The following CAMK4 variants were observed in gnomAD, a reference collection of about 807,000 sequenced individuals.
CAMK4 encodes calcium/calmodulin-dependent protein kinase type IV.
CAMK4 carries 22 observed loss-of-function variants against 44.9 expected under a neutral mutation model. That is an observed-to-expected ratio of 0.49 (90% CI 0.35 to 0.70). CAMK4 has a LOEUF of 0.70. Ranked by LOEUF, CAMK4 falls within the 30% of genes least tolerant of loss-of-function variation. CAMK4 has a pLI of 0.01. For missense variants in CAMK4, 498 were observed against 586.8 expected (o/e 0.85, Z 1.56); for synonymous variants, 218 against 215.4 (o/e 1.01, Z -0.11).
At chr5:111,350,604 C>A (rs1038832171) in intron 2 of CAMK4, among the ~76,000 whole-genome samples, 2 of 151,790 alleles carry the variant, frequency 1.3e-5, no homozygotes, top group African/African-American at 4.8e-5. Flanking sequence ...TACTTTGGAG[C>A]AGTGTGCCTA....
intron 3 of CAMK4, among the ~76,000 whole-genome samples, chr5:111,376,228 C>A (rs1223144289): frequency 1.3e-5 from 2 of 151,814 alleles, no homozygotes; most frequent in Non-Finnish European, 2.9e-5. Flanking sequence ...CAAGTGTAGA[C>A]TAGTCCTGGC....
chr5:111,229,231 G>T (rs1379251413), intron 1 of CAMK4, among the ~76,000 whole-genome samples: 1 of 152,126 alleles, frequency 6.6e-6, no homozygotes, highest in Non-Finnish European at 1.5e-5. Context: ...CCAAGATCAG[G>T]GTCCCAGCCA....
intron 2 of CAMK4, among the ~76,000 whole-genome samples, chr5:111,345,171 C>A (rs1749815755): frequency 6.6e-6 from 1 of 151,840 alleles, no homozygotes; most frequent in African/African-American, 2.4e-5. Context: ...ACAAGGTTTT[C>A]AGCTAAATAG....
intron 1 of CAMK4, among the ~76,000 whole-genome samples, chr5:111,250,139 A>C (rs1401096521): frequency 6.6e-6 from 1 of 152,232 alleles, no homozygotes; most frequent in Non-Finnish European, 1.5e-5. Flanking sequence ...CAAATTTACT[A>C]TGTCCTAGAC....
chr5:111,429,617 A>G lies in CAMK4; in HGVS notation c.460-17069A>G, dbSNP rs543686784. ...GCGAAACCCGATCTCTACCAAAAATACAAAAAAAATCAGCCAGGCATGGTG... is the reference window on the plus strand; with the variant it reads ...GCGAAACCCGATCTCTACCAAAAATGCAAAAAAAATCAGCCAGGCATGGTG... On this transcript the variant is annotated intron_variant, in intron 5 of 10. Coordinates refer to ENST00000282356, the MANE Select transcript of CAMK4 (RefSeq NM_001744.6). Among the ~76,000 whole-genome samples, 3 of 151,730 alleles carry G rather than the reference A, an allele frequency of 2.0e-5. 1 individual carries two copies. The South Asian group carries it at 6.3e-4, about 32-fold the overall frequency.
chr5:111,260,066 C>T (rs990324902), intron 1 of CAMK4, among the ~76,000 whole-genome samples: 25 of 152,156 alleles, frequency 1.6e-4, no homozygotes, highest in Admixed American at 1.2e-3. Context: ...AAATAATAGC[C>T]GAAAAGAATT....
intron 2 of CAMK4, among the ~76,000 whole-genome samples, chr5:111,373,786 C>T (rs534971471): frequency 1.8e-4 from 27 of 152,218 alleles, no homozygotes; most frequent in South Asian, 8.3e-4. Context: ...TTCAAAGGTT[C>T]GGGACAGCTC....
In CAMK4 at chr5:111,224,521, C is replaced by G. The variant is rs753581560; in HGVS notation, c.38C>G (p.Ser13Cys). ...KVTVPSCSASSCSSVTASAAP... is the reference protein window; with the variant it reads ...KVTVPSCSASCCSSVTASAAP... The stretch of plus-strand genomic sequence containing the variant: ...ACGGTGCCCTCCTGCTCCGCCTCGT[C>G]CTGCTCTTCGGTCACCGCCAGTGCG... Residue 13 changes from serine (S) to cysteine (C), a missense_variant, in exon 1 of 11, where the codon TCC becomes TGC. Physicochemically the swap from Ser to Cys is moderately radical, Grantham distance 112 (BLOSUM62 -1). Transcript: ENST00000282356. The surrounding 1 kb of genome is among the most constrained non-coding windows in gnomAD (Gnocchi z 5.7). The G allele has an allele frequency of 5.2e-5, 83 of 1,611,390 alleles. No individual in the cohort carries two copies. The highest frequency in any genetic ancestry group is 6.9e-5 in the Non-Finnish European group (81 of 1,179,352).
rs924288352 is a variant in CAMK4, at chr5:111,494,182, T to A, written c.*9716T>A. ...CATCTCCAATAGTTTAGGCTGCAAG[T>A]CAGTAGCCAAACACAAGAGCATGTA... On this transcript the variant is annotated 3_prime_UTR_variant, in exon 11 of 11. Coordinates refer to ENST00000282356, the MANE Select transcript of CAMK4 (RefSeq NM_001744.6). The A allele has an allele frequency of 1.3e-5, 2 of 152,164 alleles. No homozygotes were observed. The highest frequency in any genetic ancestry group is 4.8e-5 in the African/African-American group (2 of 41,442). The allele number at this position is 152,164 out of a possible 1,614,324, so 9.4% of individuals were successfully genotyped here.
At chr5:111,369,322 C>T (rs145869926) in intron 2 of CAMK4, among the ~76,000 whole-genome samples, 2 of 152,200 alleles carry the variant, frequency 1.3e-5, no homozygotes, top group Admixed American at 6.5e-5. Flanking sequence ...ACCTTGGCCT[C>T]CCAAAGTGTT....
intron 4 of CAMK4, among the ~76,000 whole-genome samples, chr5:111,382,997 G>T (rs866757049): frequency 6.6e-6 from 1 of 152,014 alleles, no homozygotes; most frequent in African/African-American, 2.4e-5. Context: ...ACTTTGATTT[G>T]GACTAGACTT....
intron 1 of CAMK4, among the ~76,000 whole-genome samples, chr5:111,336,516 A>G (rs1458365703): frequency 4.0e-5 from 6 of 151,090 alleles, no homozygotes; most frequent in Admixed American, 3.3e-4. Context: ...TTATTTCCAC[A>G]TAAGTTCTTC....
chr5:111,442,622 A>T (rs1753868113), intron 5 of CAMK4, among the ~76,000 whole-genome samples: 1 of 150,120 alleles, frequency 6.7e-6, no homozygotes, highest in Non-Finnish European at 1.5e-5. Context: ...TGCAGAAGCA[A>T]ATATGAAAGT....
In CAMK4 at chr5:111,340,171, G is replaced by T. The variant is rs563207543; in HGVS notation, c.162-3853G>T. 1.9e-4 allele frequency among the ~76,000 whole-genome samples: 28 copies of T among 151,064 alleles called. No individual in the cohort carries two copies. The South Asian group carries it at 5.6e-3, about 30-fold the overall frequency. The stretch of plus-strand genomic sequence containing the variant: ...TATAATCATATCACCTGAAAATAGC[G>T]ACAGTTTAACTTACTCCTTTTTGAT... On this transcript the variant is annotated intron_variant, in intron 1 of 10. Coordinates refer to ENST00000282356, the MANE Select transcript of CAMK4 (RefSeq NM_001744.6).
chr5:111,327,818 T>C (rs1213999348), intron 1 of CAMK4, among the ~76,000 whole-genome samples: 2 of 150,274 alleles, frequency 1.3e-5, no homozygotes, highest in Non-Finnish European at 3.0e-5. Context: ...TTTTGAGAAG[T>C]GTCTGTTCAT....
chr5:111,378,031 G>T (rs887803424), intron 4 of CAMK4, among the ~76,000 whole-genome samples: 1 of 152,080 alleles, frequency 6.6e-6, no homozygotes, highest in Non-Finnish European at 1.5e-5. Flanking sequence ...ATGTTTGTGT[G>T]CCCCCAAAAT....
chr5:111,317,924 A>G (rs1472111507), intron 1 of CAMK4, among the ~76,000 whole-genome samples: 1 of 145,972 alleles, frequency 6.9e-6, no homozygotes, highest in Admixed American at 6.9e-5. Flanking sequence ...AAAAAAAAAA[A>G]AAAAGGAAAA....
chr5:111,341,420 A>T (rs578230595), intron 1 of CAMK4, among the ~76,000 whole-genome samples: 2 of 151,306 alleles, frequency 1.3e-5, no homozygotes, highest in South Asian at 4.1e-4. Flanking sequence ...CTTTTTACAT[A>T]TGGATATCTA....
Position 111,446,761 on chromosome 5 carries a change from G to T in CAMK4, c.535G>T (p.Ala179Ser). 6.2e-7 allele frequency: 1 copy of T among 1,603,514 alleles called. No individual in the cohort carries two copies. Among genetic ancestry groups the T allele is most frequent in the Non-Finnish European group, 8.5e-7 (1 of 1,170,484 alleles). The change falls in exon 6 of 11, where the codon GCA (alanine) becomes TCA (serine). Residue 179 changes from alanine (A) to serine (S), a missense_variant. Transcript: ENST00000282356. Reference sequence around the variant, plus strand: ...TCTTTATGCAACTCCAGCCCCAGATGCACCACTCAAAATCGGTGAGAACAT... The same window carrying T: ...TCTTTATGCAACTCCAGCCCCAGATTCACCACTCAAAATCGGTGAGAACAT... Reference protein sequence around the residue: ...NLLYATPAPDAPLKIADFGLS... With the variant: ...NLLYATPAPDSPLKIADFGLS...
Sources: allele counts gnomAD v4.1 joint callset (sites outside exome capture counted in the v4.1 genomes callset), GRCh38; gene constraint gnomAD v4.1.1; non-coding constraint Gnocchi (gnomAD v3.1); transcripts MANE v1.5; gene names NCBI Gene and HGNC (gene_info 2026-07-23, HGNC 2026-07-21).